The following EGLN1 variants were observed in gnomAD, a reference collection of about 807,000 sequenced individuals.
The protein encoded by EGLN1 is egl-9 family hypoxia inducible factor 1.
Under a neutral mutation model 38.3 loss-of-function variants are expected in EGLN1, and 17 were observed. The ratio of observed to expected loss-of-function variants is 0.44; its 90% CI spans 0.30 to 0.67. The LOEUF (loss-of-function observed/expected upper bound fraction) is 0.67, where lower values mean the gene tolerates loss of function less well. Among genes scored for constraint, EGLN1 ranks in the 30% least tolerant of loss-of-function variants. The pLI, the probability that EGLN1 is intolerant of heterozygous loss-of-function variation, is 0.08. For synonymous variants in EGLN1, 283 were observed against 257.5 expected (o/e 1.10, Z -0.95); for missense variants, 477 against 603.3 (o/e 0.79, Z 2.19).
chr1:231,393,629 G>C (rs1276361563), intron 1 of EGLN1, among the ~76,000 whole-genome samples: 3 of 152,098 alleles, frequency 2.0e-5, no homozygotes, highest in Admixed American at 6.5e-5. Flanking sequence ...GCTGATCTTT[G>C]TATCTGACCT....
intron 2 of EGLN1, among the ~76,000 whole-genome samples, chr1:231,372,078 T>C (rs547093137): frequency 3.9e-5 from 6 of 152,186 alleles, no homozygotes; most frequent in East Asian, 3.8e-4. Flanking sequence ...ACTCAAGTCA[T>C]TGGGAGTACC....
chr1:231,378,606 G>A (rs1688012142), intron 1 of EGLN1, among the ~76,000 whole-genome samples: 1 of 152,068 alleles, frequency 6.6e-6, no homozygotes, highest in Non-Finnish European at 1.5e-5. Flanking sequence ...GATTGAGAAT[G>A]TTCTTAAGAT....
At chr1:231,409,252 A>C (rs891389621) in intron 1 of EGLN1, among the ~76,000 whole-genome samples, 3 of 145,196 alleles carry the variant, frequency 2.1e-5, no homozygotes, top group South Asian at 2.3e-4. Context: ...AAAAAAAAAA[A>C]AAAACAAAAA....
chr1:231,421,139 G>A lies in EGLN1; in HGVS notation c.750C>T (p.Asp250=). ...LVSQKSDSSK[D]IRGDKITWIE... is the part of the protein sequence containing the mutation. ...TCCAGGTGATCTTATCGCCTCGGAT[G>A]TCCTTGGACGAGTCACTCTTCTGGC... Residue 250 remains aspartate (D), a synonymous_variant, in exon 1 of 5, where the codon GAC becomes GAT. Transcript: ENST00000366641. This position sits in a 1 kb window ranked among gnomAD's most constrained non-coding sequence, Gnocchi z 5.5. The A allele has an allele frequency of 6.2e-7, 1 of 1,614,184 alleles. No homozygotes were observed. Among genetic ancestry groups the A allele is most frequent in the Non-Finnish European group, 8.5e-7 (1 of 1,180,036 alleles).
At position 231,421,703 on chromosome 1, in the gene EGLN1, C is replaced by T; in HGVS notation, c.186G>A (p.Glu62=). 3 of 1,515,898 alleles carry T rather than the reference C, an allele frequency of 2.0e-6. 1 individual carries two copies. The highest frequency in any genetic ancestry group is 2.4e-5 in the South Asian group (2 of 82,448). 93.9% of individuals were successfully genotyped at this position (1,515,898 alleles called of 1,614,324 possible). The change falls in exon 1 of 5, where the codon GAG becomes GAA. Residue 62 remains glutamate (E), a synonymous_variant. Coordinates refer to ENST00000366641, the MANE Select transcript of EGLN1 (RefSeq NM_022051.3). This position sits in a 1 kb window ranked among gnomAD's most constrained non-coding sequence, Gnocchi z 5.5. ...KKHKLVCQGS[E]GALGHGVGPH... is the part of the protein sequence containing the mutation. The stretch of plus-strand genomic sequence containing the variant: ...GGCCCACTCCGTGGCCGAGGGCGCC[C>T]TCGCTGCCCTGGCACACGAGCTTGT...
intron 1 of EGLN1, among the ~76,000 whole-genome samples, chr1:231,398,248 A>C (rs1240628060): frequency 6.6e-6 from 1 of 152,266 alleles, no homozygotes; most frequent in Non-Finnish European, 1.5e-5. Context: ...AGGAATGGTA[A>C]TTTAAAAGGA....
At chr1:231,407,588 T>G (rs1688830218) in intron 1 of EGLN1, among the ~76,000 whole-genome samples, 1 of 152,172 alleles carries the variant, frequency 6.6e-6, no homozygotes, top group Non-Finnish European at 1.5e-5. Context: ...ATTATGTCTA[T>G]TATGCTGTTT....
intron 1 of EGLN1, among the ~76,000 whole-genome samples, chr1:231,399,981 T>C (rs979680347): frequency 6.6e-6 from 1 of 152,104 alleles, no homozygotes; most frequent in African/African-American, 2.4e-5. Context: ...AACTATCACA[T>C]AAAGACAGAT....
chr1:231,371,942 C>T (rs145708411), intron 2 of EGLN1, among the ~76,000 whole-genome samples: 125 of 152,134 alleles, frequency 8.2e-4, no homozygotes, highest in African/African-American at 2.9e-3. Context: ...ACTTTGATAC[C>T]CTTGCCAACC....
intron 1 of EGLN1, among the ~76,000 whole-genome samples, chr1:231,407,968 G>A (rs993248928): frequency 6.6e-6 from 1 of 152,088 alleles, no homozygotes; most frequent in African/African-American, 2.4e-5. Context: ...CAGAGGTGAG[G>A]TACAGGGCAG....
chr1:231,417,643 A>G (rs1689119501), intron 1 of EGLN1, among the ~76,000 whole-genome samples: 1 of 152,172 alleles, frequency 6.6e-6, no homozygotes, highest in Non-Finnish European at 1.5e-5. Context: ...TCCCAAAAAG[A>G]CCAGAGAAAG....
intron 1 of EGLN1, among the ~76,000 whole-genome samples, chr1:231,402,819 CAT>C (rs1005378342): frequency 2.0e-5 from 3 of 150,368 alleles, no homozygotes; most frequent in Non-Finnish European, 1.5e-5. Flanking sequence ...ATTTTTTCCA[CAT>C]AGATAGCCAT....
intron 1 of EGLN1, among the ~76,000 whole-genome samples, chr1:231,403,863 T>C (rs116339729): frequency 1.2e-3 from 179 of 151,890 alleles, no homozygotes; most frequent in Middle Eastern, 0.01. Context: ...TTAAGCTATA[T>C]TGTTATTAAA....
chr1:231,373,362 CA>C (rs1687875711), intron 2 of EGLN1, among the ~76,000 whole-genome samples: 1 of 152,070 alleles, frequency 6.6e-6, no homozygotes, highest in South Asian at 2.1e-4. Flanking sequence ...CATTATAAAA[CA>C]ACTGTTCTCA....
intron 1 of EGLN1, among the ~76,000 whole-genome samples, chr1:231,391,189 G>A (rs1388568232): frequency 4.8e-5 from 2 of 41,754 alleles, no homozygotes; most frequent in Non-Finnish European, 1.7e-4. Flanking sequence ...GGGCTCAAGT[G>A]ATCCTCCCAT....
intron 1 of EGLN1, among the ~76,000 whole-genome samples, chr1:231,387,255 ACC>A (rs200514348): frequency 0.011 from 1,414 of 127,948 alleles, 18 homozygotes; most frequent in African/African-American, 0.036. Flanking sequence ...ACACACACAC[ACC>A]CCCCTAATTA....
At chr1:231,402,254 T>C (rs1265962817) in intron 1 of EGLN1, among the ~76,000 whole-genome samples, 1 of 152,152 alleles carries the variant, frequency 6.6e-6, no homozygotes, top group African/African-American at 2.4e-5. Flanking sequence ...AGGGTTTGTC[T>C]TTTCATTTTC....
chr1:231,413,059 C>T (rs1359013512), intron 1 of EGLN1, among the ~76,000 whole-genome samples: 1 of 152,132 alleles, frequency 6.6e-6, no homozygotes, highest in East Asian at 1.9e-4. Context: ...ACTAAAACCA[C>T]AGTGGTTTCC....
chr1:231,416,266 G>A (rs1279799658), intron 1 of EGLN1, among the ~76,000 whole-genome samples: 1 of 151,802 alleles, frequency 6.6e-6, no homozygotes, highest in Non-Finnish European at 1.5e-5. Flanking sequence ...CCAGAGTGTT[G>A]GGAATTACAG....
Sources: gnomAD v4.1 joint callset for allele counts (sites outside exome capture counted in the v4.1 genomes callset) on GRCh38, gnomAD v4.1.1 for gene constraint, Gnocchi (gnomAD v3.1) non-coding constraint, MANE v1.5 for transcripts, NCBI Gene and HGNC (gene_info 2026-07-23, HGNC 2026-07-21) for gene names.